SV2C: variants seen among roughly 807,000 people sequenced by gnomAD.
The protein encoded by SV2C is solute carrier family 22 member B3.
In SV2C, 49 loss-of-function variants were observed where a neutral mutation model predicts 79.7. The ratio of observed to expected loss-of-function variants is 0.61; its 90% CI spans 0.49 to 0.78. The LOEUF (loss-of-function observed/expected upper bound fraction) is 0.78, where lower values mean the gene tolerates loss of function less well. Among genes scored for constraint, SV2C ranks in the 30% least tolerant of loss-of-function variants. The pLI is 0.00. For missense variants in SV2C, 833 were observed against 912.9 expected (o/e 0.91, Z 1.13); for synonymous variants, 334 against 333.2 (o/e 1.00, Z -0.03).
At chr5:76,246,500 G>C (rs1428439865) in intron 4 of SV2C, among the ~76,000 whole-genome samples, 2 of 152,038 alleles carry the variant, frequency 1.3e-5, no homozygotes, top group African/African-American at 4.8e-5. Flanking sequence ...TTTTTCAGTA[G>C]CTGTGGACCA....
the SV2C span, among the ~76,000 whole-genome samples, chr5:75,891,871 C>T: frequency 1.3e-5 from 2 of 151,938 alleles, no homozygotes; most frequent in Non-Finnish European, 2.9e-5. Flanking sequence ...GAGCCAGCAC[C>T]ACCCATTCAT....
chr5:76,030,329 A>G, the SV2C span, among the ~76,000 whole-genome samples: 13 of 98,026 alleles, frequency 1.3e-4, no homozygotes, highest in Admixed American at 1.7e-3. Context: ...AAAAGTTTCC[A>G]TCTCATTTGT....
intron 2 of SV2C, among the ~76,000 whole-genome samples, chr5:76,137,918 G>A (rs748125254): frequency 1.3e-5 from 2 of 152,124 alleles, no homozygotes; most frequent in Non-Finnish European, 2.9e-5. Context: ...CCATTTAGGT[G>A]AGAAAGGATT....
At chr5:76,173,837 T>C (rs749546248) in intron 2 of SV2C, 12 of 1,597,838 alleles carry the variant, frequency 7.5e-6, no homozygotes, top group South Asian at 3.3e-5. Flanking sequence ...GTCACACTTA[T>C]TACCAACAAG....
At chr5:76,188,351 G>C (rs2112314883) in intron 2 of SV2C, among the ~76,000 whole-genome samples, 1 of 152,304 alleles carries the variant, frequency 6.6e-6, no homozygotes, top group African/African-American at 2.4e-5. Flanking sequence ...TCAAAACCCT[G>C]TGAAGTAGGT....
At chr5:75,911,882 C>T in the SV2C span, 6 of 522,152 alleles carry the variant, frequency 1.1e-5, no homozygotes, top group Non-Finnish European at 2.3e-5. Flanking sequence ...AGAGAAACTG[C>T]CAAGACTCCT....
rs191369444 is a variant in SV2C, at chr5:76,270,856, C to T, written c.914-14306C>T. 2.0e-5 allele frequency among the ~76,000 whole-genome samples: 3 copies of T among 152,046 alleles called. No individual in the cohort carries two copies. The East Asian group carries it at 5.8e-4, about 29-fold the overall frequency. On this transcript the variant is annotated intron_variant, in intron 4 of 12. Coordinates refer to ENST00000502798, the MANE Select transcript of SV2C (RefSeq NM_014979.4). ...CGATCTCAGCTCACTGCAGTCTCTG[C>T]CTCCCGGGTTAAAACACTTCTCCTG... is the stretch of plus-strand genomic sequence containing the variant.
At position 76,194,856 on chromosome 5, in the gene SV2C, G is replaced by C. The variant is rs935792055; in HGVS notation, c.581-63G>C. The C allele has an allele frequency of 1.9e-6, 3 of 1,557,890 alleles. No individual in the cohort carries two copies. In the African/African-American group the frequency reaches 4.1e-5, roughly 21 times the overall value. ...AATGTATTTTGTTCCTTGTTCACTTGCTGTTACATGTGTCATTGACTCCCA... is the reference window on the plus strand; with the variant it reads ...AATGTATTTTGTTCCTTGTTCACTTCCTGTTACATGTGTCATTGACTCCCA... On this transcript the variant is annotated intron_variant, in intron 2 of 12. Transcript: ENST00000502798.
chr5:76,273,922 C>T (rs1267421577), intron 4 of SV2C, among the ~76,000 whole-genome samples: 2 of 152,160 alleles, frequency 1.3e-5, no homozygotes, highest in African/African-American at 4.8e-5. Context: ...GCCACAGCCC[C>T]AAGGGTCCAA....
At chr5:76,006,866 T>C in the SV2C span, among the ~76,000 whole-genome samples, 4 of 152,124 alleles carry the variant, frequency 2.6e-5, no homozygotes, top group East Asian at 7.7e-4. Flanking sequence ...TTGCCTGAAT[T>C]CCTATCTATC....
intron 2 of SV2C, among the ~76,000 whole-genome samples, chr5:76,153,281 A>T (rs549855114): frequency 6.6e-6 from 1 of 152,298 alleles, no homozygotes; most frequent in Non-Finnish European, 1.5e-5. Context: ...GGCTGAGCTC[A>T]GTAAAATGTT....
chr5:75,883,333 A>G, the SV2C span, among the ~76,000 whole-genome samples: 1 of 144,678 alleles, frequency 6.9e-6, no homozygotes, highest in East Asian at 1.9e-4. Flanking sequence ...CAGCTATCCC[A>G]TTACTGGGTA....
rs538206013 is a variant in SV2C, at chr5:76,083,676, C to T, written c.-102+164C>T. ...CCCCGGGGAAGCGGCTGCAGGTGCC[C>T]GCTGCTTTGTAGGCGCCTTTGTTGG... is the stretch of plus-strand genomic sequence containing the variant. On this transcript the variant is annotated intron_variant, in intron 1 of 12. Coordinates refer to ENST00000502798, the MANE Select transcript of SV2C (RefSeq NM_014979.4). Among the ~76,000 whole-genome samples the T allele has an allele frequency of 1.2e-4, 19 of 152,322 alleles. No homozygotes were observed. The South Asian group carries it at 3.7e-3, about 30-fold the overall frequency.
chr5:76,168,044 T>C (rs1446356935), intron 2 of SV2C, among the ~76,000 whole-genome samples: 1 of 152,164 alleles, frequency 6.6e-6, no homozygotes, highest in Non-Finnish European at 1.5e-5. Context: ...TAGGACATCT[T>C]GGTAGAATGG....
In SV2C at chr5:76,197,588, G is replaced by A. The variant is rs148647827; in HGVS notation, c.761+2489G>A. ...TCTGCAGAGTTTTGTGGGATCCAGC[G>A]GCTGACAGGACCTGAGAAATGAAGT... On this transcript the variant is annotated intron_variant, in intron 3 of 12. Transcript: ENST00000502798. 3.6e-3 allele frequency among the ~76,000 whole-genome samples: 547 copies of A among 152,134 alleles called. 4 individuals carry two copies. The highest frequency in any genetic ancestry group is 0.012 in the African/African-American group (500 of 41,502).
chr5:75,940,690 G>C, the SV2C span, among the ~76,000 whole-genome samples: 1 of 152,156 alleles, frequency 6.6e-6, no homozygotes. Context: ...CGATGAAAGA[G>C]AATTAGGGGA....
the SV2C span, among the ~76,000 whole-genome samples, chr5:75,939,365 G>A: frequency 4.6e-5 from 7 of 152,032 alleles, no homozygotes; most frequent in Non-Finnish European, 1.0e-4. Flanking sequence ...TGGCAGACAG[G>A]GGAGAGGGAG....
At chr5:76,263,147 A>G (rs546659779) in intron 4 of SV2C, among the ~76,000 whole-genome samples, 77 of 152,300 alleles carry the variant, frequency 5.1e-4, no homozygotes, top group African/African-American at 1.8e-3. Flanking sequence ...TAGGATAGTT[A>G]GCTCTTCTTG....
At chr5:75,927,854 T>A in the SV2C span, among the ~76,000 whole-genome samples, 511 of 152,078 alleles carry the variant, frequency 3.4e-3, 1 homozygote, top group African/African-American at 0.011. Flanking sequence ...CTAAAAAAAA[T>A]TTCAAAAGAA....
Sources: gnomAD v4.1 joint callset for allele counts (sites outside exome capture counted in the v4.1 genomes callset) on GRCh38, gnomAD v4.1.1 for gene constraint, MANE v1.5 for transcripts, NCBI Gene and HGNC (gene_info 2026-07-23, HGNC 2026-07-21) for gene names.